The following FRMPD3 variants were observed in gnomAD, a reference collection of about 807,000 sequenced individuals.
FRMPD3 encodes the protein FERM and PDZ domain-containing protein 3.
In FRMPD3, 42 loss-of-function variants were observed where a neutral mutation model predicts 97.9. The observed-to-expected ratio is 0.43, with a 90% CI of 0.34 to 0.55. The LOEUF (loss-of-function observed/expected upper bound fraction) is 0.55, where lower values mean the gene tolerates loss of function less well. Ranked by LOEUF, FRMPD3 falls within the 20% of genes least tolerant of loss-of-function variation. FRMPD3 has a pLI of 0.03. For synonymous variants in FRMPD3, 577 were observed against 581.1 expected, an observed-to-expected ratio of 0.99 and a Z score of 0.10; for missense variants, 1,303 against 1,457.7, an observed-to-expected ratio of 0.89 and a Z score of 1.73.
intron 13 of FRMPD3, among the ~76,000 whole-genome samples, chrX:107,578,170 A>T (rs928846463): frequency 4.3e-4 from 48 of 112,221 alleles, no homozygotes; most frequent in African/African-American, 1.5e-3. Flanking sequence ...AGATAAAGTG[A>T]AGAACCTGGA....
chrX:107,467,392 C>CATAGGCACAG (rs1348046450), intron 1 of FRMPD3, among the ~76,000 whole-genome samples: 6 of 111,325 alleles, frequency 5.4e-5, no homozygotes, highest in African/African-American at 1.6e-4. Context: ...GTTCACAGTC[C>CATAGGCACAG]ATAGGCACAG....
In FRMPD3 at chrX:107,449,907, C is replaced by CGCCGCCGCCGCCGCTGCGCCGCCGCT. The variant is rs1931244229; in HGVS notation, c.-100_-75dup. ...GGTGCCCTAGTCCCGCTGCCGCCGC[C>CGCCGCCGCCGCCGCTGCGCCGCCGCT]GCCGCCGCCGCCGCTGCGCCGCCGC... On this transcript the variant is annotated 5_prime_UTR_variant, in exon 1 of 15. Transcript: ENST00000683843. 9.2e-6 allele frequency among the ~76,000 whole-genome samples: 1 copy of CGCCGCCGCCGCCGCTGCGCCGCCGCT among 109,267 alleles called. No homozygotes were observed. The highest frequency in any genetic ancestry group is 1.9e-5 in the Non-Finnish European group (1 of 51,976). The allele number at this position is 109,267 out of a possible 115,157, so 94.9% of individuals were successfully genotyped here.
At chrX:107,469,092 G>A (rs1167813495) in intron 1 of FRMPD3, among the ~76,000 whole-genome samples, 1 of 111,739 alleles carries the variant, frequency 8.9e-6, no homozygotes, top group East Asian at 2.8e-4. Context: ...GTGGATTATG[G>A]TAAGGGTCAT....
intron 4 of FRMPD3, among the ~76,000 whole-genome samples, chrX:107,539,962 A>G (rs1286381127): frequency 9.0e-6 from 1 of 111,644 alleles, no homozygotes; most frequent in Non-Finnish European, 1.9e-5. Flanking sequence ...TTAGCTAGTC[A>G]AAGGGACACT....
chrX:107,471,288 C>T (rs772632235), intron 1 of FRMPD3, among the ~76,000 whole-genome samples: 1 of 105,730 alleles, frequency 9.5e-6, no homozygotes, highest in African/African-American at 3.5e-5. Flanking sequence ...TTCCTTCCTT[C>T]CTTCCTTCCT....
At chrX:107,576,704 G>A (rs1923130619) in intron 13 of FRMPD3, among the ~76,000 whole-genome samples, 1 of 112,350 alleles carries the variant, frequency 8.9e-6, no homozygotes, top group South Asian at 3.7e-4. Flanking sequence ...GCCAATGAAT[G>A]TATTATTAAA....
At chrX:107,575,851 T>C (rs1923089799) in intron 12 of FRMPD3, among the ~76,000 whole-genome samples, 1 of 111,025 alleles carries the variant, frequency 9.0e-6, no homozygotes, top group Non-Finnish European at 1.9e-5. Context: ...TCCAGGGAGG[T>C]GTTCTGGGTG....
chrX:107,582,608 T>G (rs1377665526), intron 13 of FRMPD3, among the ~76,000 whole-genome samples: 2 of 112,816 alleles, frequency 1.8e-5, no homozygotes, highest in African/African-American at 6.4e-5. Context: ...TGGCCACTTG[T>G]ATATCTTCTT....
chrX:107,545,864 C>G (rs964738520), intron 5 of FRMPD3, 23 bp downstream of exon 5: 1 of 1,109,833 alleles, frequency 9.0e-7, no homozygotes, highest in Admixed American at 2.2e-5. Context: ...TTGGCTCCCT[C>G]TCCTCAGCCC....
chrX:107,484,128 C>T (rs893194609), intron 1 of FRMPD3, among the ~76,000 whole-genome samples: 13 of 111,936 alleles, frequency 1.2e-4, no homozygotes, highest in Non-Finnish European at 1.9e-4. Flanking sequence ...CTTCTGGCTA[C>T]GCTCGAAGCC....
At chrX:107,549,839 G>A (rs910981196) in intron 5 of FRMPD3, among the ~76,000 whole-genome samples, 1 of 111,007 alleles carries the variant, frequency 9.0e-6, no homozygotes, top group Non-Finnish European at 1.9e-5. Flanking sequence ...AAATGGAGGC[G>A]GGCTTTTGAT....
intron 2 of FRMPD3, among the ~76,000 whole-genome samples, chrX:107,530,018 A>C (rs1336462911): frequency 8.9e-6 from 1 of 112,211 alleles, no homozygotes; most frequent in Non-Finnish European, 1.9e-5. Context: ...TGGGGCTCCC[A>C]AAAGCCCACC....
intron 1 of FRMPD3, among the ~76,000 whole-genome samples, chrX:107,519,202 C>G: frequency 8.9e-6 from 1 of 112,033 alleles, no homozygotes; most frequent in Non-Finnish European, 1.9e-5. Context: ...AACTGTACTT[C>G]TAAAAATGGT....
chrX:107,588,465 G>A (rs1282497935), intron 13 of FRMPD3, among the ~76,000 whole-genome samples: 4 of 110,997 alleles, frequency 3.6e-5, no homozygotes, highest in Non-Finnish European at 7.5e-5. Context: ...TGTTGGTCCA[G>A]CTGGTCTCAA....
In FRMPD3 at chrX:107,574,037, A is replaced by C. The variant is rs1174545890; in HGVS notation, c.1297-2278A>C. 1.7e-4 allele frequency among the ~76,000 whole-genome samples: 19 copies of C among 112,502 alleles called. No homozygotes were observed. In the Admixed American group the frequency reaches 1.8e-3, roughly 11 times the overall value. On this transcript the variant is annotated intron_variant, in intron 12 of 14. Transcript: ENST00000683843. Reference sequence around the variant, plus strand: ...TGGTCAGATTACAGAACCGGAACACATCTCACAGAAACAGAAGCCAAGAGA... The same window carrying C: ...TGGTCAGATTACAGAACCGGAACACCTCTCACAGAAACAGAAGCCAAGAGA...
intron 5 of FRMPD3, 97 bp downstream of exon 5, chrX:107,545,938 C>A: frequency 1.5e-6 from 1 of 666,727 alleles, no homozygotes; most frequent in Non-Finnish European, 2.3e-6. Flanking sequence ...GACAGCTTTC[C>A]GAATGGGTTA....
intron 13 of FRMPD3, among the ~76,000 whole-genome samples, chrX:107,590,626 G>T (rs1467884586): frequency 8.9e-6 from 1 of 112,809 alleles, no homozygotes; most frequent in African/African-American, 3.2e-5. Context: ...TATTTACATG[G>T]TGTATTACAT....
rs1399458462 is a variant in FRMPD3 at position 107,557,695 on chromosome X, T to TGTG, written c.763-2562_763-2561insGTG. Among the ~76,000 whole-genome samples, 672 of 87,600 alleles carry TGTG rather than the reference T, an allele frequency of 7.7e-3. 5 individuals are homozygous for TGTG. The highest frequency in any genetic ancestry group is 0.032 in the African/African-American group (639 of 19,776). The allele number at this position is 87,600 out of a possible 115,157, so 76.1% of individuals were successfully genotyped here. A position where few individuals can be genotyped will look rare whatever the true frequency, so the allele number is the denominator to read the frequency against. On this transcript the variant is annotated intron_variant, in intron 8 of 14. Transcript: ENST00000683843. ...TGTGTGTGTGTGTGTGTGTGTGTGT[T>TGTG]TTTTTTTGCATATGGATATCCAATT...
chrX:107,521,379 G>A (rs1235015589), intron 1 of FRMPD3, among the ~76,000 whole-genome samples: 4 of 112,011 alleles, frequency 3.6e-5, no homozygotes, highest in Non-Finnish European at 5.6e-5. Context: ...GCTTGGGCAC[G>A]ACCCTGGAAT....
Sources: allele counts gnomAD v4.1 joint callset (sites outside exome capture counted in the v4.1 genomes callset), GRCh38; gene constraint gnomAD v4.1.1; transcripts MANE v1.5; gene names NCBI Gene and HGNC (gene_info 2026-07-23, HGNC 2026-07-21).